Variants in SVEP1 observed in about 807,000 individuals in gnomAD.
SVEP1 encodes sushi, von Willebrand factor type A, EGF and pentraxin domain containing 1.
A neutral mutation model predicts 367.3 loss-of-function variants in SVEP1; 164 were observed. The observed-to-expected ratio is 0.45, with a 90% CI of 0.39 to 0.51. The LOEUF (loss-of-function observed/expected upper bound fraction) is 0.51, where lower values mean the gene tolerates loss of function less well. SVEP1 is among the 20% of genes least tolerant of loss of function. SVEP1 has a pLI of 0.00. For missense variants in SVEP1, 4,117 were observed against 4,425.3 expected (o/e 0.93, Z 1.98); for synonymous variants, 1,666 against 1,611.6 (o/e 1.03, Z -0.81).
chr9:110,462,474 T>C (rs955445220), intron 18 of SVEP1, among the ~76,000 whole-genome samples: 2 of 151,232 alleles, frequency 1.3e-5, no homozygotes, highest in Admixed American at 1.3e-4. Flanking sequence ...TAAACATATA[T>C]ACACACACAC....
intron 6 of SVEP1, among the ~76,000 whole-genome samples, chr9:110,502,634 A>G (rs975941510): frequency 6.6e-6 from 1 of 152,162 alleles, no homozygotes; most frequent in Non-Finnish European, 1.5e-5. Context: ...TTGTTTAATA[A>G]TAAAGCAATT....
intron 5 of SVEP1, 183 bp downstream of exon 5, chr9:110,512,743 A>T: frequency 1.4e-6 from 1 of 738,532 alleles, no homozygotes; most frequent in Non-Finnish European, 2.2e-6. Context: ...GGCGTAGTTT[A>T]CAATTATGTG....
At chr9:110,462,546 T>C (rs934462973) in intron 18 of SVEP1, among the ~76,000 whole-genome samples, 7 of 150,156 alleles carry the variant, frequency 4.7e-5, no homozygotes, top group African/African-American at 1.7e-4. Flanking sequence ...TAGTATGTAA[T>C]ACAATACTAA....
chr9:110,471,161 T>C (rs1207620769), intron 16 of SVEP1, among the ~76,000 whole-genome samples: 5 of 152,212 alleles, frequency 3.3e-5, no homozygotes, highest in Non-Finnish European at 2.9e-5. Flanking sequence ...AAATCAGATT[T>C]GAGTCCCTCC....
At chr9:110,367,907 C>T (rs1827222887) in intron 47 of SVEP1, among the ~76,000 whole-genome samples, 1 of 152,054 alleles carries the variant, frequency 6.6e-6, no homozygotes, top group Non-Finnish European at 1.5e-5. Context: ...ATAGTGAACC[C>T]TCATCTCTAC....
intron 36 of SVEP1, among the ~76,000 whole-genome samples, chr9:110,423,694 A>C (rs893451831): frequency 6.6e-6 from 1 of 152,188 alleles, no homozygotes; most frequent in Admixed American, 6.5e-5. Context: ...CTATAACAAA[A>C]GGCACCATAG....
At chr9:110,420,116 C>G (rs1828162522) in intron 36 of SVEP1, among the ~76,000 whole-genome samples, 1 of 32,982 alleles carries the variant, frequency 3.0e-5, no homozygotes, top group Non-Finnish European at 5.5e-5. Context: ...TAACTAAGAT[C>G]AGAGCAGAAC....
chr9:110,443,803 C>A, intron 26 of SVEP1, 83 bp from the exon 27 acceptor site: 2 of 1,247,932 alleles, frequency 1.6e-6, no homozygotes, highest in Non-Finnish European at 2.1e-6. Context: ...AATTTTTCTT[C>A]TTTTTCTTTT....
rs1829181601 is a variant in SVEP1 at position 110,481,225 on chromosome 9, A to G, written c.2365+17T>C. The G allele has an allele frequency of 5.4e-6, 8 of 1,483,992 alleles. No individual in the cohort carries two copies. The highest frequency in any genetic ancestry group is 7.2e-6 in the Non-Finnish European group (8 of 1,109,924). The allele number at this position is 1,483,992 out of a possible 1,614,324, so 91.9% of individuals were successfully genotyped here. The stretch of plus-strand genomic sequence containing the variant: ...TTCACACACATTAAAGAAGTCTAGA[A>G]TAAAATTAAAACTTACTGGCACAGT... On this transcript the variant is annotated intron_variant, in intron 12 of 47. Coordinates refer to ENST00000374469, the MANE Select transcript of SVEP1 (RefSeq NM_153366.4).
At chr9:110,505,117 T>A (rs1191025687) in intron 5 of SVEP1, among the ~76,000 whole-genome samples, 1 of 152,138 alleles carries the variant, frequency 6.6e-6, no homozygotes, top group Non-Finnish European at 1.5e-5. Context: ...AACCTGCATT[T>A]CCGCGGTTCT....
chr9:110,508,351 G>GAAAAT (rs1829655300), intron 5 of SVEP1, among the ~76,000 whole-genome samples: 1 of 151,906 alleles, frequency 6.6e-6, no homozygotes, highest in South Asian at 2.1e-4. Context: ...ATCTATTACT[G>GAAAAT]AAAATAAAAT....
chr9:110,537,482 A>C, intron 3 of SVEP1, among the ~76,000 whole-genome samples: 1 of 152,110 alleles, frequency 6.6e-6, no homozygotes, highest in African/African-American at 2.4e-5. Flanking sequence ...AGAACATTTA[A>C]AAATTAATTT....
rs377541976 is a variant in SVEP1 at position 110,369,920 on chromosome 9, T to C, written c.10694+3A>G. The C allele has an allele frequency of 6.0e-5, 97 of 1,611,078 alleles. No homozygotes were observed. The highest frequency in any genetic ancestry group is 7.0e-5 in the Non-Finnish European group (82 of 1,178,674). ...GGCGAACATTAGTTTTTGGTTATCT[T>C]ACCTGGAACAGTTATGTCCCGTCCA... On this transcript the variant is annotated splice_donor_region_variant and intron_variant, in intron 47 of 47. Transcript: ENST00000374469.
At chr9:110,379,273 G>C in intron 44 of SVEP1, 74 bp downstream of exon 44, 1 of 1,508,920 alleles carries the variant, frequency 6.6e-7, no homozygotes, top group Non-Finnish European at 9.0e-7. Flanking sequence ...CATATTAATT[G>C]CTGGACAAAT....
At chr9:110,455,924 G>A (rs1297618343) in intron 21 of SVEP1, among the ~76,000 whole-genome samples, 4 of 152,166 alleles carry the variant, frequency 2.6e-5, no homozygotes, top group African/African-American at 9.7e-5. Context: ...ATAGGAGATA[G>A]CAAAAGATCC....
Position 110,546,126 on chromosome 9 carries a change from T to C in SVEP1, c.953A>G (p.Tyr318Cys). ...EKGYYGKGLQ[Y>C]ECTACPSGTY... Reference sequence around the variant, plus strand: ...GATTGGAGACTCACCTGTGCATTCATACTGCAGACCTTTCCCGTAATACCC... The same window carrying C: ...GATTGGAGACTCACCTGTGCATTCACACTGCAGACCTTTCCCGTAATACCC... The change falls in exon 3 of 48, where the codon TAT (tyrosine) becomes TGT (cysteine). Residue 318 changes from tyrosine (Y) to cysteine (C), a missense_variant. Tyr to Cys is a radical substitution (Grantham distance 194, BLOSUM62 -2). This residue lies in a region of SVEP1 where 2,174 missense variants were observed against 2,494.3 expected (regional missense o/e 0.87). Coordinates refer to ENST00000374469, the MANE Select transcript of SVEP1 (RefSeq NM_153366.4). 1 of 1,552,406 alleles carries C rather than the reference T, an allele frequency of 6.4e-7. No individual in the cohort carries two copies. The highest frequency in any genetic ancestry group is 8.7e-7 in the Non-Finnish European group (1 of 1,147,150).
At chr9:110,420,156 C>CA (rs1239658317) in intron 36 of SVEP1, among the ~76,000 whole-genome samples, 1 of 33,178 alleles carries the variant, frequency 3.0e-5, no homozygotes, top group Non-Finnish European at 5.5e-5. Flanking sequence ...AAAAACTCTT[C>CA]AAAAAATCAA....
chr9:110,466,971 C>G (rs558327104), intron 17 of SVEP1, among the ~76,000 whole-genome samples: 2 of 152,152 alleles, frequency 1.3e-5, no homozygotes, highest in South Asian at 4.2e-4. Context: ...CCCTGACTCC[C>G]AGAGTACTGG....
At chr9:110,575,043 C>G (rs1053485029) in intron 1 of SVEP1, among the ~76,000 whole-genome samples, 3 of 152,154 alleles carry the variant, frequency 2.0e-5, no homozygotes, top group Admixed American at 6.5e-5. Flanking sequence ...CCGCGCCTGG[C>G]CGAGTCCAGC....
Sources: allele counts gnomAD v4.1 joint callset (sites outside exome capture counted in the v4.1 genomes callset), GRCh38; gene constraint gnomAD v4.1.1; regional missense constraint gnomAD v4.1.1; transcripts MANE v1.5; gene names NCBI Gene and HGNC (gene_info 2026-07-23, HGNC 2026-07-21).